NWD2: variants seen among roughly 807,000 people sequenced by gnomAD.
NWD2 encodes NACHT and WD repeat domain-containing protein 2.
NWD2 carries 37 observed loss-of-function variants against 132.7 expected under a neutral mutation model. The observed-to-expected ratio is 0.28, with a 90% CI of 0.21 to 0.37. NWD2 has a LOEUF of 0.37. Ranked by LOEUF, NWD2 falls within the 10% of genes least tolerant of loss-of-function variation. NWD2 has a pLI of 1.00. For missense variants in NWD2, 1,592 were observed against 2,122.4 expected (o/e 0.75, Z 4.91); for synonymous variants, 705 against 803.0 (o/e 0.88, Z 2.06).
chr4:37,364,417 A>G (rs1403884798), intron 3 of NWD2, among the ~76,000 whole-genome samples: 1 of 152,076 alleles, frequency 6.6e-6, no homozygotes, highest in East Asian at 1.9e-4. Context: ...GGAGGCAGGT[A>G]AGAGGTTCTT....
At chr4:37,416,216 G>A (rs1711595916) in intron 3 of NWD2, among the ~76,000 whole-genome samples, 1 of 152,222 alleles carries the variant, frequency 6.6e-6, no homozygotes, top group South Asian at 2.1e-4. Flanking sequence ...CAGCAGCTGT[G>A]AGAACTAGGA....
At chr4:37,256,240 G>T (rs1717516289) in intron 1 of NWD2, among the ~76,000 whole-genome samples, 1 of 152,222 alleles carries the variant, frequency 6.6e-6, no homozygotes, top group Non-Finnish European at 1.5e-5. Context: ...GAGGAATGGA[G>T]CAGTGTAAAC....
chr4:37,267,592 T>A (rs1405164299), intron 1 of NWD2, among the ~76,000 whole-genome samples: 1 of 151,972 alleles, frequency 6.6e-6, no homozygotes, highest in Non-Finnish European at 1.5e-5. Flanking sequence ...ATGCATCTAG[T>A]CACAATCTAT....
intron 3 of NWD2, among the ~76,000 whole-genome samples, chr4:37,412,969 C>CA (rs1269613171): frequency 6.6e-6 from 1 of 151,712 alleles, no homozygotes; most frequent in Non-Finnish European, 1.5e-5. Flanking sequence ...ACACCTTATA[C>CA]AAAAAATGGA....
At chr4:37,349,153 G>T (rs1019616760) in intron 2 of NWD2, among the ~76,000 whole-genome samples, 2 of 152,078 alleles carry the variant, frequency 1.3e-5, no homozygotes, top group Non-Finnish European at 2.9e-5. Context: ...ATGTGTGCAT[G>T]TGTTTTTACA....
chr4:37,370,401 T>C (rs1720193666), intron 3 of NWD2, among the ~76,000 whole-genome samples: 1 of 152,228 alleles, frequency 6.6e-6, no homozygotes. Flanking sequence ...ACTTAAAATT[T>C]ATCCCTTTAC....
At chr4:37,389,459 T>A (rs546561336) in intron 3 of NWD2, among the ~76,000 whole-genome samples, 1 of 152,382 alleles carries the variant, frequency 6.6e-6, no homozygotes, top group East Asian at 1.9e-4. Context: ...ACCTTTGGAC[T>A]TAAATTCTGC....
At chr4:37,381,270 A>G (rs1720447164) in intron 3 of NWD2, among the ~76,000 whole-genome samples, 1 of 152,182 alleles carries the variant, frequency 6.6e-6, no homozygotes, top group Admixed American at 6.5e-5. Flanking sequence ...CCACGTCACC[A>G]TCAGTGACTC....
chr4:37,373,484 G>A (rs1389503559), intron 3 of NWD2, among the ~76,000 whole-genome samples: 2 of 152,202 alleles, frequency 1.3e-5, no homozygotes, highest in African/African-American at 2.4e-5. Context: ...GAATGTAATA[G>A]AGGTTTGGTA....
chr4:37,402,372 A>G (rs1720911695), intron 3 of NWD2, among the ~76,000 whole-genome samples: 1 of 152,220 alleles, frequency 6.6e-6, no homozygotes, highest in Non-Finnish European at 1.5e-5. Context: ...GTCTGAGATC[A>G]GGAATAGCGT....
At chr4:37,363,424 G>A (rs11732123) in intron 3 of NWD2, among the ~76,000 whole-genome samples, 68,098 of 152,010 alleles carry the variant, frequency 0.45, 16,866 homozygotes, top group Middle Eastern at 0.63. Flanking sequence ...AGAAAATATG[G>A]TACATAAACA....
At chr4:37,336,383 T>C (rs1719406313) in intron 2 of NWD2, among the ~76,000 whole-genome samples, 1 of 152,206 alleles carries the variant, frequency 6.6e-6, no homozygotes, top group Non-Finnish European at 1.5e-5. Flanking sequence ...TCAGAGCACA[T>C]TGCAATTTGG....
intron 1 of NWD2, among the ~76,000 whole-genome samples, chr4:37,266,637 G>A (rs1577648764): frequency 6.6e-6 from 1 of 152,008 alleles, no homozygotes; most frequent in Admixed American, 6.6e-5. Flanking sequence ...TCTTTTAACA[G>A]GAAGGAATTA....
At chr4:37,381,937 TA>T (rs1720462427) in intron 3 of NWD2, among the ~76,000 whole-genome samples, 1 of 152,258 alleles carries the variant, frequency 6.6e-6, no homozygotes, top group Non-Finnish European at 1.5e-5. Context: ...AACATTTTTT[TA>T]AATTTCAAAA....
At chr4:37,366,220 G>C (rs1720095838) in intron 3 of NWD2, among the ~76,000 whole-genome samples, 1 of 152,114 alleles carries the variant, frequency 6.6e-6, no homozygotes, top group Admixed American at 6.6e-5. Flanking sequence ...TTGGTGTACA[G>C]GAGACAAAGT....
intron 6 of NWD2, among the ~76,000 whole-genome samples, chr4:37,440,677 C>T (rs1234311991): frequency 6.6e-6 from 1 of 152,158 alleles, no homozygotes; most frequent in African/African-American, 2.4e-5. Flanking sequence ...TTCAGACTAG[C>T]AGCGGGTAAT....
At chr4:37,299,664 G>GT (rs759415929) in intron 1 of NWD2, among the ~76,000 whole-genome samples, 1 of 152,116 alleles carries the variant, frequency 6.6e-6, no homozygotes, top group Non-Finnish European at 1.5e-5. Context: ...TGGAGCCTCT[G>GT]TAAGTGAAGG....
chr4:37,394,801 T>TTTTTTTTTTTTTTG (rs1720749006), intron 3 of NWD2, among the ~76,000 whole-genome samples: 1 of 79,582 alleles, frequency 1.3e-5, no homozygotes, highest in Non-Finnish European at 2.7e-5. Context: ...CCTTTATGGT[T>TTTTTTTTTTTTTTG]TTTTTTTTTT....
chr4:37,410,297 G>T (rs905528068), intron 3 of NWD2, among the ~76,000 whole-genome samples: 1 of 152,072 alleles, frequency 6.6e-6, no homozygotes, highest in Non-Finnish European at 1.5e-5. Context: ...CAAAATAAAG[G>T]GATGGAGGAA....
Sources: gnomAD v4.1 joint callset for allele counts (sites outside exome capture counted in the v4.1 genomes callset) on GRCh38, gnomAD v4.1.1 for gene constraint, MANE v1.5 for transcripts, NCBI Gene and HGNC (gene_info 2026-07-23, HGNC 2026-07-21) for gene names.